The following AP4E1 variants were observed in gnomAD, a reference collection of about 807,000 sequenced individuals.
AP4E1 encodes adaptor related protein complex 4 subunit epsilon 1, also known as AP-4 complex subunit epsilon-1.
A neutral mutation model predicts 128.2 loss-of-function variants in AP4E1; 56 were observed. That is an observed-to-expected ratio of 0.44 (90% CI 0.35 to 0.55). AP4E1 has a LOEUF of 0.55. Ranked by LOEUF, AP4E1 falls within the 20% of genes least tolerant of loss-of-function variation. The pLI is 0.00. For synonymous variants in AP4E1, 484 were observed against 473.1 expected, an observed-to-expected ratio of 1.02 and a Z score of -0.30; for missense variants, 1,324 against 1,307.7, an observed-to-expected ratio of 1.01 and a Z score of -0.19.
At chr15:50,998,841 G>A (rs2064917853) in intron 18 of AP4E1, among the ~76,000 whole-genome samples, 1 of 152,108 alleles carries the variant, frequency 6.6e-6, no homozygotes, top group Non-Finnish European at 1.5e-5. Context: ...AGTTTTAACT[G>A]TAATGCCATT....
chr15:50,936,359 C>CTT (rs895599411), intron 8 of AP4E1, among the ~76,000 whole-genome samples: 4 of 142,542 alleles, frequency 2.8e-5, no homozygotes, highest in East Asian at 2.0e-4. Flanking sequence ...TAAAAATCTG[C>CTT]TTTTTTTTTT....
intron 7 of AP4E1, among the ~76,000 whole-genome samples, chr15:50,933,687 A>G (rs1469284415): frequency 1.3e-5 from 2 of 152,180 alleles, no homozygotes; most frequent in African/African-American, 4.8e-5. Flanking sequence ...ATTCTTAATT[A>G]TTGGATATTT....
intron 10 of AP4E1, among the ~76,000 whole-genome samples, chr15:50,946,326 C>A (rs1214627769): frequency 6.6e-6 from 1 of 152,092 alleles, no homozygotes; most frequent in East Asian, 1.9e-4. Context: ...TAAGACCAAA[C>A]GTCTCTTATG....
intron 20 of AP4E1, 84 bp downstream of exon 20, chr15:51,001,267 G>C: frequency 7.7e-7 from 1 of 1,294,740 alleles, no homozygotes; most frequent in Non-Finnish European, 1.1e-6. Flanking sequence ...ACAAGTATCA[G>C]ATTTCTCAGA....
At chr15:50,943,220 G>A (rs925487748) in intron 10 of AP4E1, among the ~76,000 whole-genome samples, 2 of 152,046 alleles carry the variant, frequency 1.3e-5, no homozygotes, top group Admixed American at 1.3e-4. Flanking sequence ...TGCTGCAAAG[G>A]ACATGATTAC....
intron 8 of AP4E1, among the ~76,000 whole-genome samples, chr15:50,936,312 T>C (rs1307842946): frequency 6.6e-6 from 1 of 152,162 alleles, no homozygotes; most frequent in African/African-American, 2.4e-5. Context: ...GGATAAGGGT[T>C]TGAAAGTCTT....
intron 14 of AP4E1, among the ~76,000 whole-genome samples, chr15:50,962,607 A>G (rs547596092): frequency 6.0e-4 from 92 of 152,250 alleles, no homozygotes; most frequent in African/African-American, 2.1e-3. Context: ...TCAACCCACA[A>G]TGAATTAAAG....
rs1171944997 is a variant in AP4E1, at chr15:51,002,712, T to C, written c.*50T>C. On this transcript the variant is annotated 3_prime_UTR_variant, in exon 21 of 21. Coordinates refer to ENST00000261842, the MANE Select transcript of AP4E1 (RefSeq NM_007347.5). The stretch of plus-strand genomic sequence containing the variant: ...CATCAAGATCAATGGTTTACATAGA[T>C]AAACTTATTTACCAAAGTAAAAAGA... The C allele has an allele frequency of 6.2e-7, 1 of 1,605,216 alleles. No homozygotes were observed. Among genetic ancestry groups the C allele is most frequent in the Non-Finnish European group, 8.5e-7 (1 of 1,173,754 alleles).
intron 7 of AP4E1, among the ~76,000 whole-genome samples, chr15:50,932,682 T>A (rs2063850395): frequency 6.6e-6 from 1 of 152,212 alleles, no homozygotes; most frequent in South Asian, 2.1e-4. Context: ...GGCTTTTGCT[T>A]CTAGAAATCA....
intron 15 of AP4E1, among the ~76,000 whole-genome samples, chr15:50,976,892 T>C (rs1025728646): frequency 6.6e-6 from 1 of 152,174 alleles, no homozygotes; most frequent in Non-Finnish European, 1.5e-5. Flanking sequence ...TAAATGGAAA[T>C]ACATCCTGTG....
intron 15 of AP4E1, among the ~76,000 whole-genome samples, chr15:50,983,280 G>A (rs532194426): frequency 6.6e-6 from 1 of 152,280 alleles, no homozygotes; most frequent in East Asian, 1.9e-4. Context: ...CTAGCCAGCA[G>A]GGAAGAGAAA....
chr15:50,912,113 T>C lies in AP4E1; in HGVS notation c.186T>C (p.Ser62=). The change falls in exon 2 of 21, where the codon AGT becomes AGC. Residue 62 remains serine, a synonymous_variant. Coordinates refer to ENST00000261842, the MANE Select transcript of AP4E1 (RefSeq NM_007347.5). ...EEKLIQQELS[S]LKATVSAPTT... ...AATTAATCCAGCAGGAACTGAGTAG[T>C]CTGAAAGCGACTGTTTCTGCTCCTA... The C allele has an allele frequency of 2.5e-6, 4 of 1,614,178 alleles. No homozygotes were observed. Among genetic ancestry groups the C allele is most frequent in the Non-Finnish European group, 3.4e-6 (4 of 1,180,014 alleles).
rs2063754762 is a variant in AP4E1 at position 50,925,238 on chromosome 15, G to T, written c.542+19G>T. 3.1e-6 allele frequency: 5 copies of T among 1,607,244 alleles called. No individual in the cohort carries two copies. Among genetic ancestry groups the T allele is most frequent in the Non-Finnish European group, 4.3e-6 (5 of 1,174,394 alleles). On this transcript the variant is annotated intron_variant, in intron 5 of 20. Coordinates refer to ENST00000261842, the MANE Select transcript of AP4E1 (RefSeq NM_007347.5). Reference sequence around the variant, plus strand: ...ATTCTAAGTAAGTAAATTCTTTTGGGATAGGCATCTATGCCATATATTTCA... The same window carrying T: ...ATTCTAAGTAAGTAAATTCTTTTGGTATAGGCATCTATGCCATATATTTCA...
rs1181870993 is a variant in AP4E1, at chr15:50,929,225, G to A, written c.702+57G>A. 3.2e-6 allele frequency: 5 copies of A among 1,548,032 alleles called. No individual in the cohort carries two copies. The Admixed American group carries it at 8.5e-5, about 26-fold the overall frequency. ...GTTACCATTAGAAAAATACAATTAT[G>A]GAATTAAAAAGAAACAGATATTTTG... On this transcript the variant is annotated intron_variant, in intron 6 of 20. Transcript: ENST00000261842.
chr15:50,926,336 C>G (rs1323000696), intron 5 of AP4E1, among the ~76,000 whole-genome samples: 2 of 151,548 alleles, frequency 1.3e-5, no homozygotes, highest in East Asian at 3.9e-4. Context: ...CAGGGTTTCA[C>G]CATCTTGGCC....
Position 50,930,848 on chromosome 15 carries a change from C to T in AP4E1, c.746C>T (p.Thr249Ile). 6.2e-7 allele frequency: 1 copy of T among 1,613,938 alleles called. No individual in the cohort carries two copies. Among genetic ancestry groups the T allele is most frequent in the Middle Eastern group, 1.6e-4 (1 of 6,062 alleles). Residue 249 changes from threonine to isoleucine, a missense_variant, in exon 7 of 21, where the codon ACC (threonine) becomes ATC (isoleucine). Coordinates refer to ENST00000261842, the MANE Select transcript of AP4E1 (RefSeq NM_007347.5). Reference protein sequence around the residue: ...GYKDLTGSFVTILKQVVGGKL... With the variant: ...GYKDLTGSFVIILKQVVGGKL... ...AAAGACTTGACTGGGAGTTTTGTAA[C>T]CATTTTGAAGCAAGTAGTTGGAGGA...
chr15:50,999,550 T>G (rs1466273431), intron 19 of AP4E1, among the ~76,000 whole-genome samples: 1 of 152,172 alleles, frequency 6.6e-6, no homozygotes, highest in East Asian at 1.9e-4. Context: ...TGGTAAAGCT[T>G]GTGAGAAAAA....
At chr15:50,909,792 AT>A (rs1264134327) in intron 1 of AP4E1, among the ~76,000 whole-genome samples, 1 of 151,706 alleles carries the variant, frequency 6.6e-6, no homozygotes, top group African/African-American at 2.4e-5. Flanking sequence ...GGTTCACGCC[AT>A]TCTCCTGCCT....
intron 15 of AP4E1, among the ~76,000 whole-genome samples, chr15:50,980,665 AGCTCTGGGAGT>A (rs1596501851): frequency 2.0e-5 from 3 of 152,080 alleles, no homozygotes; most frequent in Admixed American, 6.6e-5. Context: ...CACAGGCTCG[AGCTCTGGGAGT>A]GCAGAATGTT....
Sources: gnomAD v4.1 joint callset for allele counts (sites outside exome capture counted in the v4.1 genomes callset) on GRCh38, gnomAD v4.1.1 for gene constraint, MANE v1.5 for transcripts, NCBI Gene and HGNC (gene_info 2026-07-23, HGNC 2026-07-21) for gene names.